The following EPHA5 variants were observed in gnomAD, a reference collection of about 807,000 sequenced individuals.
The protein encoded by EPHA5 is EPH receptor A5.
In EPHA5, 60 loss-of-function variants were observed where a neutral mutation model predicts 105.0. The ratio of observed to expected loss-of-function variants is 0.57; its 90% CI spans 0.46 to 0.71. The LOEUF (loss-of-function observed/expected upper bound fraction) is 0.71. EPHA5 is among the 30% of genes least tolerant of loss of function. The probability of loss-of-function intolerance (pLI) is 0.00; values close to 1 mark genes in which losing one functional copy is unlikely to be tolerated. For missense variants in EPHA5, 1,218 were observed against 1,274.7 expected (o/e 0.96, Z 0.68); for synonymous variants, 513 against 449.1 (o/e 1.14, Z -1.80).
At chr4:65,418,182 C>A (rs1365804163) in intron 6 of EPHA5, among the ~76,000 whole-genome samples, 1 of 152,064 alleles carries the variant, frequency 6.6e-6, no homozygotes, top group Non-Finnish European at 1.5e-5. Context: ...AATTGAGAAA[C>A]AATGTTCACA....
At chr4:65,519,308 C>T (rs556746497) in intron 3 of EPHA5, among the ~76,000 whole-genome samples, 42 of 152,154 alleles carry the variant, frequency 2.8e-4, no homozygotes, top group Admixed American at 5.2e-4. Flanking sequence ...GAAGAAAAGG[C>T]CTTTGACAAA....
intron 5 of EPHA5, among the ~76,000 whole-genome samples, chr4:65,480,348 G>A (rs1730233579): frequency 2.0e-5 from 3 of 152,114 alleles, no homozygotes; most frequent in Admixed American, 2.0e-4. Flanking sequence ...TGGTAGGGAA[G>A]CCTGTCTTTC....
intron 5 of EPHA5, among the ~76,000 whole-genome samples, chr4:65,479,518 G>A (rs969816240): frequency 6.6e-6 from 1 of 152,152 alleles, no homozygotes; most frequent in African/African-American, 2.4e-5. Flanking sequence ...ATGGGGAAAG[G>A]ACTAAAAATG....
chr4:65,536,072 C>A, intron 3 of EPHA5, among the ~76,000 whole-genome samples: 1 of 151,888 alleles, frequency 6.6e-6, no homozygotes, highest in South Asian at 2.1e-4. Context: ...ATATTACCTT[C>A]ATGTTTTTAA....
intron 2 of EPHA5, among the ~76,000 whole-genome samples, chr4:65,619,562 T>TA (rs1287972349): frequency 5.3e-5 from 8 of 152,156 alleles, no homozygotes; most frequent in Admixed American, 6.5e-5. Context: ...AGCATGGTTT[T>TA]AAAAAAGTAT....
chr4:65,500,888 C>A (rs189880125), intron 3 of EPHA5, among the ~76,000 whole-genome samples: 1 of 150,810 alleles, frequency 6.6e-6, no homozygotes, highest in Non-Finnish European at 1.5e-5. Flanking sequence ...CACAGACTAT[C>A]GTTGTTTGCA....
At chr4:65,545,962 C>G (rs1378840943) in intron 3 of EPHA5, among the ~76,000 whole-genome samples, 1 of 151,938 alleles carries the variant, frequency 6.6e-6, no homozygotes, top group East Asian at 1.9e-4. Context: ...TTGTAAGGAC[C>G]AGATAACAAA....
At chr4:65,455,097 G>A (rs1343227560) in intron 5 of EPHA5, among the ~76,000 whole-genome samples, 1 of 152,088 alleles carries the variant, frequency 6.6e-6, no homozygotes, top group Non-Finnish European at 1.5e-5. Context: ...GCTGGGAGCA[G>A]TGGCGGGCGC....
chr4:65,419,693 CT>C (rs1219913960), intron 6 of EPHA5, among the ~76,000 whole-genome samples: 2 of 152,114 alleles, frequency 1.3e-5, no homozygotes, highest in Admixed American at 1.3e-4. Flanking sequence ...AGTAGGAAGA[CT>C]CATGGTGGCT....
At chr4:65,428,368 T>C (rs993946699) in intron 5 of EPHA5, among the ~76,000 whole-genome samples, 7 of 152,122 alleles carry the variant, frequency 4.6e-5, no homozygotes, top group African/African-American at 1.7e-4. Flanking sequence ...TTTGATACTG[T>C]TGGGCCAGGA....
At position 65,664,464 on chromosome 4, in the gene EPHA5, G is replaced by GA. The variant is rs1749799057; in HGVS notation, c.181+5097dup. The stretch of plus-strand genomic sequence containing the variant: ...TTAATCTGTGTTTACAAAGCCTTCA[G>GA]AACTCATTTTGCTTTTTATCTACCT... On this transcript the variant is annotated intron_variant, in intron 1 of 16. Coordinates refer to ENST00000613740, the MANE Select transcript of EPHA5 (RefSeq NM_001281766.3). 1.3e-5 allele frequency among the ~76,000 whole-genome samples: 2 copies of GA among 151,772 alleles called. 1 individual carries two copies. The highest frequency in any genetic ancestry group is 4.1e-4 in the South Asian group (2 of 4,820).
chr4:65,535,892 T>C (rs1219416359), intron 3 of EPHA5, among the ~76,000 whole-genome samples: 4 of 152,082 alleles, frequency 2.6e-5, no homozygotes, highest in Middle Eastern at 3.4e-3. Context: ...ATTATTTATC[T>C]GGGGAGTAAG....
At chr4:65,519,526 A>G (rs969549930) in intron 3 of EPHA5, among the ~76,000 whole-genome samples, 10 of 152,004 alleles carry the variant, frequency 6.6e-5, no homozygotes, top group Admixed American at 6.6e-5. Context: ...AGTTCTGGCC[A>G]GGGCAATTAG....
At position 65,514,175 on chromosome 4, in the gene EPHA5, A is replaced by G. The variant is rs956798463; in HGVS notation, c.911-18632T>C. 2.0e-5 allele frequency among the ~76,000 whole-genome samples: 3 copies of G among 152,226 alleles called. No individual in the cohort carries two copies. The South Asian group carries it at 6.2e-4, about 32-fold the overall frequency. On this transcript the variant is annotated intron_variant, in intron 3 of 16. Coordinates refer to ENST00000613740, the MANE Select transcript of EPHA5 (RefSeq NM_001281766.3). ...CCCTTTGCTCCTTATTGCACCTTCC[A>G]GACCATGCTCCTGACAGTAGATTTT... is the stretch of plus-strand genomic sequence containing the variant.
At chr4:65,348,655 T>G (rs1722447308) in intron 13 of EPHA5, among the ~76,000 whole-genome samples, 1 of 45,622 alleles carries the variant, frequency 2.2e-5, no homozygotes, top group African/African-American at 7.9e-5. Flanking sequence ...GCATAAACAT[T>G]GGAGATATAT....
chr4:65,473,809 C>T (rs547416564), intron 5 of EPHA5, among the ~76,000 whole-genome samples: 8 of 151,736 alleles, frequency 5.3e-5, no homozygotes, highest in Middle Eastern at 3.5e-3. Flanking sequence ...TCATAGTACC[C>T]GACAGGTAGT....
At chr4:65,615,244 G>A (rs753469797) in intron 2 of EPHA5, among the ~76,000 whole-genome samples, 5 of 150,450 alleles carry the variant, frequency 3.3e-5, no homozygotes, top group African/African-American at 4.9e-5. Flanking sequence ...TACAATAGTT[G>A]ATTAAATAGC....
At chr4:65,430,178 C>T (rs754940127) in intron 5 of EPHA5, among the ~76,000 whole-genome samples, 6 of 151,904 alleles carry the variant, frequency 3.9e-5, no homozygotes, top group Non-Finnish European at 8.8e-5. Flanking sequence ...ATTTTTTACT[C>T]AAACAGATCA....
At chr4:65,496,014 G>T (rs1410789514) in intron 3 of EPHA5, among the ~76,000 whole-genome samples, 1 of 152,140 alleles carries the variant, frequency 6.6e-6, no homozygotes, top group Non-Finnish European at 1.5e-5. Flanking sequence ...AATGCCTCAT[G>T]AATTCTGTTA....
Sources: gnomAD v4.1 joint callset for allele counts (sites outside exome capture counted in the v4.1 genomes callset) on GRCh38, gnomAD v4.1.1 for gene constraint, MANE v1.5 for transcripts, NCBI Gene and HGNC (gene_info 2026-07-23, HGNC 2026-07-21) for gene names.